Variants in CDH13 observed in about 807,000 individuals in gnomAD.
CDH13 encodes cadherin-13.
A neutral mutation model predicts 63.8 loss-of-function variants in CDH13; 24 were observed. The ratio of observed to expected loss-of-function variants is 0.38; its 90% confidence interval spans 0.27 to 0.53. The LOEUF is 0.53. Ranked by LOEUF, CDH13 falls within the 20% of genes least tolerant of loss-of-function variation. The pLI, the probability that CDH13 is intolerant of heterozygous loss-of-function variation, is 0.85. For missense variants in CDH13, 1,049 were observed against 903.1 expected (o/e 1.16, Z -2.07); for synonymous variants, 503 against 355.3 (o/e 1.42, Z -4.67).
chr16:82,977,358 C>T (rs1909658342), intron 2 of CDH13, among the ~76,000 whole-genome samples: 1 of 152,190 alleles, frequency 6.6e-6, no homozygotes, highest in South Asian at 2.1e-4. Flanking sequence ...AAGTCACCCA[C>T]ATGCACACTG....
intron 1 of CDH13, among the ~76,000 whole-genome samples, chr16:82,657,650 T>G (rs1315475202): frequency 6.6e-6 from 1 of 152,230 alleles, no homozygotes; most frequent in Non-Finnish European, 1.5e-5. Flanking sequence ...GTACACAGTT[T>G]GCTAGATTTA....
At chr16:82,823,862 G>C (rs1200997689) in intron 1 of CDH13, 1 of 152,052 alleles carries the variant, frequency 6.6e-6, no homozygotes, top group Admixed American at 6.6e-5. Context: ...GAATTTATTA[G>C]GTGTTTTATC....
chr16:83,698,225 T>C (rs796564831), intron 10 of CDH13, among the ~76,000 whole-genome samples: 1 of 152,270 alleles, frequency 6.6e-6, no homozygotes, highest in Non-Finnish European at 1.5e-5. Context: ...ATATTTAATA[T>C]GTCTTTGCAA....
chr16:83,387,867 T>C (rs932054778), intron 6 of CDH13, among the ~76,000 whole-genome samples: 3 of 152,212 alleles, frequency 2.0e-5, no homozygotes, highest in Admixed American at 1.3e-4. Context: ...CATGTCCAAG[T>C]GCTAGTTTGA....
intron 2 of CDH13, among the ~76,000 whole-genome samples, chr16:82,901,237 G>A (rs1313829558): frequency 6.6e-6 from 1 of 151,940 alleles, no homozygotes; most frequent in African/African-American, 2.4e-5. Flanking sequence ...CTAGCAATAT[G>A]AGGCCCACAA....
chr16:83,014,850 A>G (rs1164200487), intron 2 of CDH13, among the ~76,000 whole-genome samples: 1 of 129,032 alleles, frequency 7.8e-6, no homozygotes, highest in Non-Finnish European at 1.6e-5. Flanking sequence ...TTGTATATAT[A>G]TATTTGTATA....
chr16:83,445,944 A>T (rs1246991155), intron 6 of CDH13, among the ~76,000 whole-genome samples: 1 of 152,290 alleles, frequency 6.6e-6, no homozygotes, highest in East Asian at 1.9e-4. Flanking sequence ...AAGGCAACTA[A>T]AAGATTTCTA....
chr16:83,241,710 G>A (rs1339026820), intron 5 of CDH13, among the ~76,000 whole-genome samples: 1 of 152,120 alleles, frequency 6.6e-6, no homozygotes, highest in Non-Finnish European at 1.5e-5. Flanking sequence ...AGTTGGGGAA[G>A]TTCTTTATAT....
chr16:82,727,377 G>A (rs2033157306), intron 1 of CDH13: 1 of 152,124 alleles, frequency 6.6e-6, no homozygotes, highest in Non-Finnish European at 1.5e-5. Context: ...TTCCCTGGAA[G>A]GTAAAATTTC....
At chr16:83,050,354 T>G (rs1324878108) in intron 3 of CDH13, among the ~76,000 whole-genome samples, 1 of 152,170 alleles carries the variant, frequency 6.6e-6, no homozygotes, top group East Asian at 1.9e-4. Context: ...TATTCAACTC[T>G]TTGAGAAGTC....
At chr16:83,688,351 T>C (rs1236444499) in intron 10 of CDH13, among the ~76,000 whole-genome samples, 4 of 152,230 alleles carry the variant, frequency 2.6e-5, no homozygotes. Context: ...GGTTCAAAAA[T>C]ATGTAGTAGC....
At chr16:83,363,180 C>T (rs78827402) in intron 6 of CDH13, among the ~76,000 whole-genome samples, 1,660 of 152,302 alleles carry the variant, frequency 0.011, 31 homozygotes, top group African/African-American at 0.036. Context: ...GCAATCAGCA[C>T]AGCTTAAACA....
chr16:83,259,533 A>AT (rs1906706141), intron 5 of CDH13, among the ~76,000 whole-genome samples: 1 of 152,186 alleles, frequency 6.6e-6, no homozygotes, highest in Non-Finnish European at 1.5e-5. Flanking sequence ...TTACAAATGC[A>AT]TCCAAAAAAG....
At chr16:83,157,416 G>C (rs1220266311) in intron 4 of CDH13, among the ~76,000 whole-genome samples, 2 of 152,156 alleles carry the variant, frequency 1.3e-5, no homozygotes, top group Non-Finnish European at 2.9e-5. Context: ...GGATGAGTCA[G>C]AGAGATTTTG....
chr16:82,697,197 T>C (rs929593625), intron 1 of CDH13, among the ~76,000 whole-genome samples: 3 of 152,158 alleles, frequency 2.0e-5, no homozygotes, highest in African/African-American at 7.2e-5. Flanking sequence ...AAATAATTTG[T>C]GGATATATTT....
intron 7 of CDH13, 85 bp downstream of exon 7, chr16:83,486,740 G>A: frequency 2.3e-6 from 3 of 1,300,010 alleles, no homozygotes; most frequent in Middle Eastern, 2.0e-4. Context: ...CCAGTCAGTG[G>A]TTTTTTTTAA....
intron 5 of CDH13, among the ~76,000 whole-genome samples, chr16:83,241,872 G>T (rs1217509665): frequency 1.3e-5 from 2 of 152,090 alleles, no homozygotes; most frequent in East Asian, 1.9e-4. Context: ...TGCTTTTGTT[G>T]TCTGTGCTTT....
intron 6 of CDH13, among the ~76,000 whole-genome samples, chr16:83,419,940 T>A (rs535440844): frequency 2.6e-5 from 4 of 151,744 alleles, no homozygotes; most frequent in Non-Finnish European, 5.9e-5. Flanking sequence ...AAAAAAGTTT[T>A]GTATGTATGT....
intron 6 of CDH13, among the ~76,000 whole-genome samples, chr16:83,441,248 T>G (rs2072471927): frequency 6.6e-6 from 1 of 152,202 alleles, no homozygotes; most frequent in African/African-American, 2.4e-5. Flanking sequence ...TGTTCAATAC[T>G]TTGAGTACCA....
Sources: gnomAD v4.1 joint callset for allele counts (sites outside exome capture counted in the v4.1 genomes callset) on GRCh38, gnomAD v4.1.1 for gene constraint, MANE v1.5 for transcripts, NCBI Gene and HGNC (gene_info 2026-07-23, HGNC 2026-07-21) for gene names.